The following ZNF609 variants were observed in gnomAD, a reference collection of about 807,000 sequenced individuals.
ZNF609 encodes the protein zinc finger protein 609.
In ZNF609, 11 loss-of-function variants were observed where a neutral mutation model predicts 109.5. The ratio of observed to expected loss-of-function variants is 0.10; its 90% CI spans 0.06 to 0.17. ZNF609 has a LOEUF of 0.17. ZNF609 is among the 10% of genes least tolerant of loss of function. The probability of loss-of-function intolerance (pLI) is 1.00; values close to 1 mark genes in which losing one functional copy is unlikely to be tolerated. For synonymous variants in ZNF609, 646 were observed against 662.0 expected (o/e 0.98, Z 0.37); for missense variants, 1,559 against 1,772.4 (o/e 0.88, Z 2.16).
intron 2 of ZNF609, among the ~76,000 whole-genome samples, chr15:64,614,165 C>G (rs1260170123): frequency 6.6e-6 from 1 of 151,922 alleles, no homozygotes; most frequent in Non-Finnish European, 1.5e-5. Flanking sequence ...AAGTGATCTG[C>G]CCACCTTGGA....
chr15:64,653,895 A>T (rs1024351889), intron 3 of ZNF609, among the ~76,000 whole-genome samples: 5 of 152,180 alleles, frequency 3.3e-5, no homozygotes, highest in African/African-American at 1.2e-4. Flanking sequence ...AAAGTCACCA[A>T]CTTGCTAGGA....
chr15:64,540,984 C>G lies in ZNF609; in HGVS notation c.747+40818C>G, dbSNP rs543966852. Among the ~76,000 whole-genome samples, 7 of 142,448 alleles carry G rather than the reference C, an allele frequency of 4.9e-5. No homozygotes were observed. In the East Asian group the frequency reaches 1.5e-3, roughly 31 times the overall value. 93.5% of individuals were successfully genotyped at this position (142,448 alleles called of 152,430 possible). A position where few individuals can be genotyped will look rare whatever the true frequency, so the allele number is the denominator to read the frequency against. On this transcript the variant is annotated intron_variant, in intron 2 of 9. Coordinates refer to ENST00000326648, the MANE Select transcript of ZNF609 (RefSeq NM_015042.2). ...CGGAGCTTGCAGTGAGCCGGGATCGCGCCACTGCACTCCAGCCTGGGCGAC... is the reference window on the plus strand; with the variant it reads ...CGGAGCTTGCAGTGAGCCGGGATCGGGCCACTGCACTCCAGCCTGGGCGAC...
chr15:64,659,741 C>T lies in ZNF609; in HGVS notation c.974-10605C>T, dbSNP rs189990707. On this transcript the variant is annotated intron_variant, in intron 3 of 9. Transcript: ENST00000326648. Reference sequence around the variant, plus strand: ...CATCAAGAAAATTTTAAAATACGCTCTGTATATGGGAAGTCCCCAACTTAC... The same window carrying T: ...CATCAAGAAAATTTTAAAATACGCTTTGTATATGGGAAGTCCCCAACTTAC... Among the ~76,000 whole-genome samples the T allele has an allele frequency of 2.6e-5, 4 of 152,114 alleles. No homozygotes were observed. The East Asian group carries it at 7.7e-4, about 29-fold the overall frequency.
intron 2 of ZNF609, among the ~76,000 whole-genome samples, chr15:64,605,969 A>G (rs1895591399): frequency 8.0e-6 from 1 of 124,890 alleles, no homozygotes; most frequent in Non-Finnish European, 1.6e-5. Flanking sequence ...ATTAGCCAGG[A>G]TGGTCTCGAT....
chr15:64,534,823 A>G (rs978385310), intron 2 of ZNF609, among the ~76,000 whole-genome samples: 24 of 152,128 alleles, frequency 1.6e-4, no homozygotes, highest in African/African-American at 5.5e-4. Context: ...ACTTGAGGTC[A>G]TGAGATTGAG....
chr15:64,538,481 CCA>C (rs2140378025), intron 2 of ZNF609, among the ~76,000 whole-genome samples: 1 of 152,248 alleles, frequency 6.6e-6, no homozygotes, highest in African/African-American at 2.4e-5. Context: ...TAGGCAGAAG[CCA>C]GAGAGTTTAG....
intron 3 of ZNF609, among the ~76,000 whole-genome samples, chr15:64,625,238 A>G (rs938803590): frequency 2.0e-5 from 3 of 152,214 alleles, no homozygotes; most frequent in Non-Finnish European, 2.9e-5. Flanking sequence ...CATAGGTGGC[A>G]TCTGACACCT....
At chr15:64,527,612 A>G (rs191329447) in intron 2 of ZNF609, among the ~76,000 whole-genome samples, 8 of 152,232 alleles carry the variant, frequency 5.3e-5, no homozygotes, top group Admixed American at 3.9e-4. Flanking sequence ...TGTACTTCAA[A>G]TTCACAAAGT....
In ZNF609 at chr15:64,674,622, A is replaced by C; in HGVS notation, c.1768A>C (p.Lys590Gln). 6.2e-7 allele frequency: 1 copy of C among 1,614,184 alleles called. No homozygotes were observed. The highest frequency in any genetic ancestry group is 1.1e-5 in the South Asian group (1 of 91,084). ...SSKFSTKGLC[K>Q]KKLSGEGDTD... ...CAAATTCAGCACAAAAGGCCTCTGTAAGAAAAAGTTGAGTGGGGAAGGGGA... is the reference window on the plus strand; with the variant it reads ...CAAATTCAGCACAAAAGGCCTCTGTCAGAAAAAGTTGAGTGGGGAAGGGGA... Residue 590 changes from lysine to glutamine, a missense_variant, in exon 5 of 10, where the codon AAG becomes CAG. Physicochemically the swap from Lys to Gln is moderately conservative, Grantham distance 53. Around this residue, in one of 4 missense-constraint regions of ZNF609, gnomAD observed 1,204 missense variants for 1,314.1 expected, o/e 0.92. Transcript: ENST00000326648.
At chr15:64,461,959 A>G (rs1232992682) in intron 1 of ZNF609, among the ~76,000 whole-genome samples, 1 of 152,126 alleles carries the variant, frequency 6.6e-6, no homozygotes, top group Non-Finnish European at 1.5e-5. Flanking sequence ...GCCACACACA[A>G]TAGTCGTGTC....
At chr15:64,608,325 G>A (rs2140956861) in intron 2 of ZNF609, among the ~76,000 whole-genome samples, 1 of 152,162 alleles carries the variant, frequency 6.6e-6, no homozygotes, top group East Asian at 1.9e-4. Flanking sequence ...TTGTAATACA[G>A]TACTCTCATG....
chr15:64,466,646 C>A (rs370178000), intron 1 of ZNF609, among the ~76,000 whole-genome samples: 14 of 152,308 alleles, frequency 9.2e-5, no homozygotes, highest in African/African-American at 3.4e-4. Flanking sequence ...CTAGCGACAG[C>A]AGTTAATTGT....
chr15:64,649,861 T>C (rs1248407607), intron 3 of ZNF609, among the ~76,000 whole-genome samples: 5 of 152,200 alleles, frequency 3.3e-5, no homozygotes, highest in Admixed American at 1.3e-4. Context: ...ACTACAGTTA[T>C]AGTTTCAAAG....
At chr15:64,627,854 C>T (rs1230882763) in intron 3 of ZNF609, among the ~76,000 whole-genome samples, 5 of 150,592 alleles carry the variant, frequency 3.3e-5, no homozygotes, top group Admixed American at 6.6e-5. Context: ...GAGACAGAGT[C>T]TTGCTATGTT....
At chr15:64,568,142 AT>A (rs1189011251) in intron 2 of ZNF609, among the ~76,000 whole-genome samples, 1 of 152,064 alleles carries the variant, frequency 6.6e-6, no homozygotes, top group Non-Finnish European at 1.5e-5. Flanking sequence ...ACATTATGAC[AT>A]TTCTCTCCCA....
At chr15:64,672,489 G>A (rs1185493924) in intron 4 of ZNF609, among the ~76,000 whole-genome samples, 2 of 150,488 alleles carry the variant, frequency 1.3e-5, no homozygotes, top group African/African-American at 2.4e-5. Context: ...GCTGGGCATG[G>A]TGGCTCATGC....
intron 1 of ZNF609, among the ~76,000 whole-genome samples, chr15:64,493,256 C>T (rs945642798): frequency 6.6e-6 from 1 of 151,916 alleles, no homozygotes; most frequent in Non-Finnish European, 1.5e-5. Flanking sequence ...GCTGTTTTTG[C>T]CCTCTGAGCT....
At chr15:64,651,824 C>G (rs1008144735) in intron 3 of ZNF609, among the ~76,000 whole-genome samples, 3 of 152,154 alleles carry the variant, frequency 2.0e-5, no homozygotes, top group African/African-American at 7.2e-5. Flanking sequence ...TCTCCAGACC[C>G]GAACACTGTA....
At position 64,658,932 on chromosome 15, in the gene ZNF609, A is replaced by T. The variant is rs75040208; in HGVS notation, c.974-11414A>T. 4.9e-3 allele frequency among the ~76,000 whole-genome samples: 746 copies of T among 152,326 alleles called. 1 individual carries two copies. Among genetic ancestry groups the T allele is most frequent in the African/African-American group, 0.016 (656 of 41,578 alleles). On this transcript the variant is annotated intron_variant, in intron 3 of 9. Transcript: ENST00000326648. Reference sequence around the variant, plus strand: ...AATAATGAACCTGTTACATGGTAATATAAATAGTATTTTTAATGGAAAATA... The same window carrying T: ...AATAATGAACCTGTTACATGGTAATTTAAATAGTATTTTTAATGGAAAATA...
Sources: allele counts gnomAD v4.1 joint callset (sites outside exome capture counted in the v4.1 genomes callset), GRCh38; gene constraint gnomAD v4.1.1; regional missense constraint gnomAD v4.1.1; transcripts MANE v1.5; gene names NCBI Gene and HGNC (gene_info 2026-07-23, HGNC 2026-07-21).